ASIC2: variants seen among roughly 807,000 people sequenced by gnomAD.
ASIC2 encodes the protein acid sensing ion channel subunit 2.
A neutral mutation model predicts 57.3 loss-of-function variants in ASIC2; 25 were observed. The ratio of observed to expected loss-of-function variants is 0.44; its 90% confidence interval spans 0.32 to 0.61. The LOEUF (loss-of-function observed/expected upper bound fraction) is 0.61. ASIC2 is among the 20% of genes least tolerant of loss of function. ASIC2 has a pLI of 0.06. For synonymous variants in ASIC2, 319 were observed against 307.5 expected (o/e 1.04, Z -0.39); for missense variants, 641 against 738.1 (o/e 0.87, Z 1.52).
chr17:33,446,765 C>T (rs1212534702), intron 1 of ASIC2, among the ~76,000 whole-genome samples: 14 of 152,196 alleles, frequency 9.2e-5, no homozygotes, highest in African/African-American at 3.4e-4. Context: ...AATGAATCCT[C>T]TGGAAGGGAA....
intron 1 of ASIC2, among the ~76,000 whole-genome samples, chr17:34,103,729 G>C (rs1910947499): frequency 6.6e-6 from 1 of 151,918 alleles, no homozygotes; most frequent in South Asian, 2.1e-4. Context: ...TTTCCTTTGA[G>C]TGACTTGCTG....
intron 1 of ASIC2, among the ~76,000 whole-genome samples, chr17:34,121,329 C>T (rs1911614439): frequency 6.6e-6 from 1 of 152,166 alleles, no homozygotes; most frequent in Non-Finnish European, 1.5e-5. Context: ...GAAATGAATG[C>T]ACCCACTATC....
chr17:33,399,951 A>G (rs1052403083), intron 1 of ASIC2, among the ~76,000 whole-genome samples: 18 of 152,294 alleles, frequency 1.2e-4, no homozygotes, highest in Admixed American at 1.0e-3. Context: ...CTCATTAGTT[A>G]ACTTCCCAAG....
intron 1 of ASIC2, among the ~76,000 whole-genome samples, chr17:33,125,972 T>C (rs555426757): frequency 2.0e-5 from 3 of 152,218 alleles, no homozygotes; most frequent in Non-Finnish European, 4.4e-5. Context: ...GCACTTGCAT[T>C]AACCTGAGTG....
chr17:33,313,172 A>T (rs912260718), intron 1 of ASIC2, among the ~76,000 whole-genome samples: 6 of 151,906 alleles, frequency 3.9e-5, no homozygotes, highest in African/African-American at 9.7e-5. Flanking sequence ...TTTTTTTTTA[A>T]AAAATTAGCC....
At chr17:33,418,256 C>T (rs993049170) in intron 1 of ASIC2, among the ~76,000 whole-genome samples, 7 of 152,038 alleles carry the variant, frequency 4.6e-5, no homozygotes, top group Non-Finnish European at 1.0e-4. Context: ...CTTAATACCA[C>T]CTGTGTAGCA....
At chr17:33,226,495 T>A (rs577310471) in intron 1 of ASIC2, among the ~76,000 whole-genome samples, 2 of 152,302 alleles carry the variant, frequency 1.3e-5, no homozygotes, top group East Asian at 3.9e-4. Context: ...TGTTCTCAGA[T>A]TAATGAAGGC....
chr17:33,900,618 C>T (rs1212655242), intron 1 of ASIC2, among the ~76,000 whole-genome samples: 2 of 4,764 alleles, frequency 4.2e-4, no homozygotes, highest in African/African-American at 6.9e-3. Context: ...TACTTAACCT[C>T]ACAACTCAAT....
chr17:33,629,210 C>T (rs868567228), intron 1 of ASIC2, among the ~76,000 whole-genome samples: 1 of 152,172 alleles, frequency 6.6e-6, no homozygotes, highest in Non-Finnish European at 1.5e-5. Context: ...CAGCCCTCCC[C>T]GTGGCTTCTT....
At chr17:33,491,811 G>C (rs888288403) in intron 1 of ASIC2, among the ~76,000 whole-genome samples, 1 of 152,228 alleles carries the variant, frequency 6.6e-6, no homozygotes, top group African/African-American at 2.4e-5. Flanking sequence ...TGGTCAGCCT[G>C]CTGCGCTTAA....
chr17:33,977,281 G>A (rs317329), intron 1 of ASIC2, among the ~76,000 whole-genome samples: 107,241 of 152,040 alleles, frequency 0.71, 38,497 homozygotes, highest in Non-Finnish European at 0.79. Context: ...TGACCACAGG[G>A]GTAGTTGGAG....
chr17:33,678,434 TCC>T (rs1491115797), intron 1 of ASIC2, among the ~76,000 whole-genome samples: 9 of 89,290 alleles, frequency 1.0e-4, no homozygotes, highest in African/African-American at 3.7e-4. Context: ...CCTGGTTCAA[TCC>T]ACACACACAC....
intron 1 of ASIC2, among the ~76,000 whole-genome samples, chr17:33,815,860 G>A (rs1046947915): frequency 5.9e-5 from 9 of 152,104 alleles, no homozygotes; most frequent in Admixed American, 4.6e-4. Flanking sequence ...AGTGATACCG[G>A]TTATTTTTGA....
chr17:33,077,848 T>C (rs1262045721), intron 3 of ASIC2, among the ~76,000 whole-genome samples: 1 of 152,098 alleles, frequency 6.6e-6, no homozygotes, highest in Non-Finnish European at 1.5e-5. Context: ...AGCAAGACTG[T>C]TCATATTCAG....
chr17:33,088,248 T>G (rs772582842), intron 3 of ASIC2, among the ~76,000 whole-genome samples: 8 of 152,192 alleles, frequency 5.3e-5, no homozygotes, highest in Non-Finnish European at 8.8e-5. Context: ...ACTGCCTCCT[T>G]ACTGAGAGTT....
chr17:33,819,085 C>T (rs968942911), intron 1 of ASIC2, among the ~76,000 whole-genome samples: 2 of 152,108 alleles, frequency 1.3e-5, no homozygotes, highest in Non-Finnish European at 2.9e-5. Flanking sequence ...GGGATAATGC[C>T]GTTTGAAGCT....
intron 1 of ASIC2, among the ~76,000 whole-genome samples, chr17:33,281,736 CCCT>C (rs1446582742): frequency 1.3e-5 from 2 of 152,210 alleles, no homozygotes. Context: ...GTCCAGTCCA[CCCT>C]CCTCTTTGCC....
chr17:33,629,940 G>T (rs1440454845), intron 1 of ASIC2, among the ~76,000 whole-genome samples: 2 of 152,188 alleles, frequency 1.3e-5, no homozygotes, highest in African/African-American at 4.8e-5. Flanking sequence ...CGAGGAAGGG[G>T]CTTGTTCAAG....
rs1905531918 is a variant in ASIC2, at chr17:33,979,531, CCT to C, written c.555+176445_555+176446del. On this transcript the variant is annotated intron_variant, in intron 1 of 9. Coordinates refer to the ASIC2 transcript ENST00000359872. ...ACACTGAATGTGAGCCAGCATCAGCCCTCTCTGCACTCGACCTCCTCAGGTAC... is the reference window on the plus strand; with the variant it reads ...ACACTGAATGTGAGCCAGCATCAGCCCTCTGCACTCGACCTCCTCAGGTAC... Among the ~76,000 whole-genome samples the C allele has an allele frequency of 3.3e-5, 5 of 152,132 alleles. No individual in the cohort carries two copies. The South Asian group carries it at 1.0e-3, about 31-fold the overall frequency.
Sources: allele counts gnomAD v4.1 joint callset (sites outside exome capture counted in the v4.1 genomes callset), GRCh38; gene constraint gnomAD v4.1.1; transcripts MANE v1.5; gene names NCBI Gene and HGNC (gene_info 2026-07-23, HGNC 2026-07-21).